Variants in ITPK1 observed in about 807,000 individuals in gnomAD.
ITPK1 encodes inositol-tetrakisphosphate 1-kinase, also known as inositol 1,3,4-trisphosphate 5/6-kinase.
ITPK1 carries 21 observed loss-of-function variants against 45.3 expected under a neutral mutation model. That is an observed-to-expected ratio of 0.46 (90% CI 0.33 to 0.67). ITPK1 has a LOEUF of 0.67. ITPK1 is among the 30% of genes least tolerant of loss of function. The pLI, the probability that ITPK1 is intolerant of heterozygous loss-of-function variation, is 0.02. For missense variants in ITPK1, 474 were observed against 573.5 expected (o/e 0.83, Z 1.77); for synonymous variants, 258 against 253.6 (o/e 1.02, Z -0.16).
At chr14:93,105,766 C>T (rs1175784245) in intron 2 of ITPK1, among the ~76,000 whole-genome samples, 6 of 149,556 alleles carry the variant, frequency 4.0e-5, no homozygotes, top group African/African-American at 1.2e-4. Context: ...TACAGTGGCG[C>T]GATCTCGGCT....
intron 2 of ITPK1, among the ~76,000 whole-genome samples, chr14:93,079,945 C>T (rs909487722): frequency 5.3e-5 from 8 of 152,170 alleles, no homozygotes; most frequent in East Asian, 1.9e-4. Flanking sequence ...AATATGTTTC[C>T]GGCTCTGCCC....
chr14:92,987,196 C>T (rs1186426060), intron 5 of ITPK1, among the ~76,000 whole-genome samples: 1 of 152,256 alleles, frequency 6.6e-6, no homozygotes, highest in African/African-American at 2.4e-5. Flanking sequence ...GCTCTCACTA[C>T]TCTCCAGGGA....
intron 5 of ITPK1, among the ~76,000 whole-genome samples, chr14:92,966,683 A>G (rs1343375015): frequency 6.6e-6 from 1 of 152,242 alleles, no homozygotes; most frequent in African/African-American, 2.4e-5. Context: ...CACTTCCTCA[A>G]TACGAAACTT....
At chr14:92,979,829 T>G in intron 5 of ITPK1, among the ~76,000 whole-genome samples, 1 of 151,844 alleles carries the variant, frequency 6.6e-6, no homozygotes, top group Non-Finnish European at 1.5e-5. Flanking sequence ...TTTTTTTTTT[T>G]TGGAGACAGA....
intron 4 of ITPK1, among the ~76,000 whole-genome samples, chr14:92,998,181 A>G (rs560696195): frequency 6.6e-6 from 1 of 152,364 alleles, no homozygotes; most frequent in Admixed American, 6.5e-5. Context: ...TGTGGGCATC[A>G]TGGAGATCAT....
chr14:92,995,813 C>T (rs986434022), intron 4 of ITPK1, among the ~76,000 whole-genome samples: 4 of 152,192 alleles, frequency 2.6e-5, no homozygotes, highest in African/African-American at 9.7e-5. Flanking sequence ...GGGGACTAAC[C>T]GAGGAGTCTC....
rs1888195544 is a variant in ITPK1 at position 93,016,685 on chromosome 14, G to A, written c.237C>T (p.His79=). 3.1e-6 allele frequency: 5 copies of A among 1,614,084 alleles called. No homozygotes were observed. Among genetic ancestry groups the A allele is most frequent in the East Asian group, 2.2e-5 (1 of 44,890 alleles). Residue 79 remains histidine, a synonymous_variant, in exon 4 of 11, where the codon CAC becomes CAT. Coordinates refer to ENST00000267615, the MANE Select transcript of ITPK1 (RefSeq NM_014216.6). This position sits in a 1 kb window ranked among gnomAD's most constrained non-coding sequence, Gnocchi z 5.0. The part of the protein sequence containing the change: ...QNDSQSLELV[H]RFQEYIDAHP... ...CATGGTCCTCACTCACCTGGAACCT[G>A]TGCACCAGCTCCAGGGACTGGCTAT...
rs976363253 is a variant in ITPK1 at position 93,014,607 on chromosome 14, A to G, written c.246+2069T>C. Among the ~76,000 whole-genome samples, 6 of 152,174 alleles carry G rather than the reference A, an allele frequency of 3.9e-5. No individual in the cohort carries two copies. The highest frequency in any genetic ancestry group is 8.8e-5 in the Non-Finnish European group (6 of 68,016). On this transcript the variant is annotated intron_variant, in intron 4 of 10. Coordinates refer to ENST00000267615, the MANE Select transcript of ITPK1 (RefSeq NM_014216.6). The surrounding 1 kb of genome is among the most constrained non-coding windows in gnomAD (Gnocchi z 4.4). ...GCACGCGGTTCCTAAGTTTTGGAAC[A>G]AGGATCTGCCTTGAAGACAGTTTGA...
intron 8 of ITPK1, among the ~76,000 whole-genome samples, chr14:92,957,176 G>A (rs1291323379): frequency 2.6e-5 from 4 of 152,260 alleles, no homozygotes; most frequent in Non-Finnish European, 5.9e-5. Flanking sequence ...GGGATGCCAA[G>A]AGGACACATC....
intron 5 of ITPK1, among the ~76,000 whole-genome samples, chr14:92,972,018 A>C (rs1885685426): frequency 6.6e-6 from 1 of 152,168 alleles, no homozygotes; most frequent in African/African-American, 2.4e-5. Flanking sequence ...ATGTTCCTGA[A>C]GTCTGTTAAT....
At chr14:92,998,249 C>A (rs1010328752) in intron 4 of ITPK1, among the ~76,000 whole-genome samples, 1 of 152,218 alleles carries the variant, frequency 6.6e-6, no homozygotes, top group African/African-American at 2.4e-5. Context: ...CCCTGCAACA[C>A]CTGGGCTCCT....
chr14:93,083,207 G>A (rs1407880791), intron 2 of ITPK1, among the ~76,000 whole-genome samples: 1 of 152,164 alleles, frequency 6.6e-6, no homozygotes, highest in Non-Finnish European at 1.5e-5. Flanking sequence ...GGCGTCAGGA[G>A]GTTAACACAA....
intron 2 of ITPK1, among the ~76,000 whole-genome samples, chr14:93,079,908 T>A (rs748129950): frequency 5.3e-5 from 8 of 152,174 alleles, no homozygotes; most frequent in Non-Finnish European, 1.2e-4. Context: ...TCCCACCTCA[T>A]CACCCCACAG....
chr14:92,987,889 C>A (rs1028041065), intron 5 of ITPK1, among the ~76,000 whole-genome samples: 2 of 152,154 alleles, frequency 1.3e-5, no homozygotes, highest in African/African-American at 4.8e-5. Context: ...CGGCAGCTCA[C>A]GCAGACTCAG....
At chr14:92,972,264 T>A (rs1885700154) in intron 5 of ITPK1, among the ~76,000 whole-genome samples, 1 of 152,174 alleles carries the variant, frequency 6.6e-6, no homozygotes, top group Admixed American at 6.5e-5. Flanking sequence ...CCAATCCCCA[T>A]GCCTGAGAAC....
intron 2 of ITPK1, among the ~76,000 whole-genome samples, chr14:93,105,597 C>G (rs866944363): frequency 6.6e-6 from 1 of 151,068 alleles, no homozygotes; most frequent in Non-Finnish European, 1.5e-5. Flanking sequence ...TCTCGGCTCA[C>G]CACAACCTCC....
rs115183949 is a variant in ITPK1, at chr14:92,953,712, C to T, written c.671-1699G>A. Among the ~76,000 whole-genome samples, 1,366 of 152,242 alleles carry T rather than the reference C, an allele frequency of 9.0e-3. 15 individuals are homozygous for T. The highest frequency in any genetic ancestry group is 0.031 in the African/African-American group (1,271 of 41,554). ...GGGAGGTTGGGAAGTCTGCAGGAGCCGCAAGGAGAACACGTGGGTGCTGAG... is the reference window on the plus strand; with the variant it reads ...GGGAGGTTGGGAAGTCTGCAGGAGCTGCAAGGAGAACACGTGGGTGCTGAG... On this transcript the variant is annotated intron_variant, in intron 8 of 10. Coordinates refer to ENST00000267615, the MANE Select transcript of ITPK1 (RefSeq NM_014216.6).
At chr14:93,010,591 CT>C (rs1887841227) in intron 4 of ITPK1, among the ~76,000 whole-genome samples, 1 of 152,246 alleles carries the variant, frequency 6.6e-6, no homozygotes, top group African/African-American at 2.4e-5. Flanking sequence ...TTCCACTGCC[CT>C]AGCACAGAAT....
chr14:92,987,890 G>A (rs75860277), intron 5 of ITPK1, among the ~76,000 whole-genome samples: 10,232 of 152,232 alleles, frequency 0.067, 420 homozygotes, highest in East Asian at 0.2. Flanking sequence ...GGCAGCTCAC[G>A]CAGACTCAGA....
Sources: allele counts gnomAD v4.1 joint callset (sites outside exome capture counted in the v4.1 genomes callset), GRCh38; gene constraint gnomAD v4.1.1; non-coding constraint Gnocchi (gnomAD v3.1); transcripts MANE v1.5; gene names NCBI Gene and HGNC (gene_info 2026-07-23, HGNC 2026-07-21).